Variants in FIGN observed in about 807,000 individuals in gnomAD.
The protein encoded by FIGN is fidgetin.
In FIGN, 11 loss-of-function variants were observed where a neutral mutation model predicts 51.3. The ratio of observed to expected loss-of-function variants is 0.21; its 90% CI spans 0.13 to 0.35. The LOEUF (loss-of-function observed/expected upper bound fraction) is 0.35. Among genes scored for constraint, FIGN ranks in the 10% least tolerant of loss-of-function variants. The pLI is 1.00. For synonymous variants in FIGN, 407 were observed against 363.2 expected (o/e 1.12, Z -1.37); for missense variants, 857 against 943.6 (o/e 0.91, Z 1.20).
chr2:163,644,146 G>A (rs1683348600), intron 2 of FIGN, among the ~76,000 whole-genome samples: 1 of 151,928 alleles, frequency 6.6e-6, no homozygotes, highest in Non-Finnish European at 1.5e-5. Flanking sequence ...AAGGTGGAAA[G>A]ACAACTCACA....
intron 2 of FIGN, among the ~76,000 whole-genome samples, chr2:163,704,588 C>CT (rs1345572498): frequency 6.9e-6 from 1 of 144,660 alleles, no homozygotes; most frequent in African/African-American, 2.6e-5. Context: ...ATATTCCAAT[C>CT]TGTCAAATGG....
At chr2:163,731,846 A>G (rs547121028) in intron 2 of FIGN, among the ~76,000 whole-genome samples, 2 of 152,252 alleles carry the variant, frequency 1.3e-5, no homozygotes, top group Non-Finnish European at 2.9e-5. Flanking sequence ...CCAGGAAAAC[A>G]ACAATGAGAC....
chr2:163,734,431 T>A (rs1422049198), intron 2 of FIGN, among the ~76,000 whole-genome samples: 1 of 151,542 alleles, frequency 6.6e-6, no homozygotes, highest in Non-Finnish European at 1.5e-5. Context: ...CATTAATAGA[T>A]TGAGAAAAAT....
chr2:163,701,684 G>A (rs1394792140), intron 2 of FIGN, among the ~76,000 whole-genome samples: 1 of 152,172 alleles, frequency 6.6e-6, no homozygotes, highest in Admixed American at 6.6e-5. Flanking sequence ...CTTTATTGGT[G>A]CTTTTTGCTT....
At chr2:163,669,503 C>A (rs888766151) in intron 2 of FIGN, among the ~76,000 whole-genome samples, 5 of 152,106 alleles carry the variant, frequency 3.3e-5, no homozygotes, top group African/African-American at 1.2e-4. Context: ...ATAAGAAATA[C>A]GTATTTGACT....
At chr2:163,643,903 GGC>G in intron 2 of FIGN, among the ~76,000 whole-genome samples, 1 of 105,270 alleles carries the variant, frequency 9.5e-6, no homozygotes, top group Non-Finnish European at 1.8e-5. Flanking sequence ...CTGCACTCCA[GGC>G]TGGGCAACAA....
intron 2 of FIGN, among the ~76,000 whole-genome samples, chr2:163,686,185 T>C (rs1684145541): frequency 6.6e-6 from 1 of 152,182 alleles, no homozygotes; most frequent in Non-Finnish European, 1.5e-5. Context: ...ATTGCTACAA[T>C]TAGAAAAAGA....
chr2:163,627,078 T>C (rs1411803549), intron 2 of FIGN, among the ~76,000 whole-genome samples: 1 of 152,170 alleles, frequency 6.6e-6, no homozygotes, highest in Non-Finnish European at 1.5e-5. Context: ...GAAATGACTA[T>C]AAGTATACTC....
At chr2:163,680,035 G>C (rs934945632) in intron 2 of FIGN, among the ~76,000 whole-genome samples, 1 of 152,194 alleles carries the variant, frequency 6.6e-6, no homozygotes, top group East Asian at 1.9e-4. Flanking sequence ...GACATAAAGC[G>C]TGGAATGATT....
chr2:163,660,844 T>TATAC (rs1553498293), intron 2 of FIGN, among the ~76,000 whole-genome samples: 5 of 65,526 alleles, frequency 7.6e-5, no homozygotes, highest in African/African-American at 1.9e-4. Flanking sequence ...CATATATACA[T>TATAC]ATATATATGT....
At chr2:163,633,674 A>C (rs1683183645) in intron 2 of FIGN, among the ~76,000 whole-genome samples, 1 of 152,222 alleles carries the variant, frequency 6.6e-6, no homozygotes, top group African/African-American at 2.4e-5. Flanking sequence ...AGAAAATTTT[A>C]AATGCGAAAT....
At chr2:163,647,613 G>A (rs140952154) in intron 2 of FIGN, among the ~76,000 whole-genome samples, 28 of 152,138 alleles carry the variant, frequency 1.8e-4, no homozygotes, top group Middle Eastern at 6.9e-3. Flanking sequence ...AGAACTTTAG[G>A]CTTCTGACTC....
At chr2:163,705,050 G>A (rs920642990) in intron 2 of FIGN, among the ~76,000 whole-genome samples, 10 of 152,194 alleles carry the variant, frequency 6.6e-5, no homozygotes, top group South Asian at 2.1e-4. Context: ...GGTGAATTCT[G>A]TGACAACTTT....
intron 2 of FIGN, among the ~76,000 whole-genome samples, chr2:163,651,622 T>G (rs1273890584): frequency 1.3e-5 from 2 of 152,184 alleles, no homozygotes; most frequent in Non-Finnish European, 2.9e-5. Flanking sequence ...CAATAAGACA[T>G]GTAATGCTTT....
intron 2 of FIGN, among the ~76,000 whole-genome samples, chr2:163,717,425 A>G (rs932852273): frequency 2.6e-5 from 4 of 152,132 alleles, no homozygotes; most frequent in Non-Finnish European, 5.9e-5. Context: ...CTACTCTTCC[A>G]CTTGAAAACA....
intron 2 of FIGN, among the ~76,000 whole-genome samples, chr2:163,720,820 A>G (rs2105362773): frequency 6.6e-6 from 1 of 152,332 alleles, no homozygotes; most frequent in Non-Finnish European, 1.5e-5. Context: ...GCATGTACCT[A>G]TGTAGTTGTA....
intron 2 of FIGN, among the ~76,000 whole-genome samples, chr2:163,706,486 A>C (rs932146485): frequency 2.0e-5 from 3 of 152,158 alleles, no homozygotes; most frequent in Admixed American, 2.0e-4. Context: ...TGGGAATTTT[A>C]ATAATATTAA....
chr2:163,619,680 A>C (rs1682936084), intron 2 of FIGN, among the ~76,000 whole-genome samples: 1 of 152,158 alleles, frequency 6.6e-6, no homozygotes, highest in East Asian at 1.9e-4. Context: ...ATGCAAAGCA[A>C]ATTACAGTGA....
intron 2 of FIGN, among the ~76,000 whole-genome samples, chr2:163,664,467 A>G (rs1240591382): frequency 6.6e-6 from 1 of 152,224 alleles, no homozygotes; most frequent in Non-Finnish European, 1.5e-5. Flanking sequence ...TTACTGATAC[A>G]AAACTCTAGC....
Sources: gnomAD v4.1 joint callset for allele counts (sites outside exome capture counted in the v4.1 genomes callset) on GRCh38, gnomAD v4.1.1 for gene constraint, MANE v1.5 for transcripts, NCBI Gene and HGNC (gene_info 2026-07-23, HGNC 2026-07-21) for gene names.